SEC24B: variants seen among roughly 807,000 people sequenced by gnomAD.
The protein encoded by SEC24B is SEC24 homolog B, COPII component, also known as protein transport protein Sec24B.
A neutral mutation model predicts 142.8 loss-of-function variants in SEC24B; 45 were observed. The observed-to-expected ratio is 0.32, with a 90% CI of 0.25 to 0.40. SEC24B has a LOEUF of 0.40. Among genes scored for constraint, SEC24B ranks in the 10% least tolerant of loss-of-function variants. SEC24B has a pLI of 1.00. For synonymous variants in SEC24B, 574 were observed against 568.2 expected, an observed-to-expected ratio of 1.01 and a Z score of -0.15; for missense variants, 1,409 against 1,526.8, an observed-to-expected ratio of 0.92 and a Z score of 1.29.
At chr4:109,501,137 G>C (rs1173217839) in intron 6 of SEC24B, among the ~76,000 whole-genome samples, 1 of 152,122 alleles carries the variant, frequency 6.6e-6, no homozygotes, top group African/African-American at 2.4e-5. Flanking sequence ...GTACCATTTT[G>C]TATCTTTTAT....
chr4:109,454,907 A>G (rs1240337747), intron 1 of SEC24B, among the ~76,000 whole-genome samples: 7 of 152,256 alleles, frequency 4.6e-5, no homozygotes, highest in Admixed American at 4.6e-4. Context: ...GCTCAGGCCA[A>G]GAAGAATCTA....
intron 4 of SEC24B, among the ~76,000 whole-genome samples, chr4:109,489,122 ATTATC>A (rs917161449): frequency 6.6e-6 from 1 of 152,086 alleles, no homozygotes; most frequent in African/African-American, 2.4e-5. Flanking sequence ...TGAAGTCCAA[ATTATC>A]TTTTTTCTTT....
At chr4:109,509,832 A>AT (rs1207480725) in intron 7 of SEC24B, among the ~76,000 whole-genome samples, 177 bp from the exon 8 acceptor site, 3 of 151,944 alleles carry the variant, frequency 2.0e-5, no homozygotes, top group Admixed American at 1.3e-4. Flanking sequence ...TTTAATTTAG[A>AT]TTTTTTGACA....
At chr4:109,437,029 G>T (rs1348574739) in intron 1 of SEC24B, among the ~76,000 whole-genome samples, 1 of 152,152 alleles carries the variant, frequency 6.6e-6, no homozygotes, top group African/African-American at 2.4e-5. Flanking sequence ...TTTGTAACTG[G>T]TTCCTCAGAA....
chr4:109,475,083 A>G (rs537336484), intron 3 of SEC24B, among the ~76,000 whole-genome samples: 2 of 152,352 alleles, frequency 1.3e-5, no homozygotes, highest in South Asian at 4.1e-4. Context: ...TTCTTTCTAT[A>G]AAATAAAGCT....
chr4:109,453,928 G>A (rs1014969910), intron 1 of SEC24B, among the ~76,000 whole-genome samples: 1 of 152,152 alleles, frequency 6.6e-6, no homozygotes, highest in South Asian at 2.1e-4. Context: ...CGTGATCTCA[G>A]CTCACTGCAA....
Position 109,467,363 on chromosome 4 carries a change from G to A in SEC24B, c.877+3719G>A, listed in dbSNP as rs1011582741. ...AAAAAAAAAAGTCCGCTCCAAGTAT[G>A]TATGTTTTGAGTGTTACATTAGTTG... On this transcript the variant is annotated intron_variant, in intron 2 of 23. Transcript: ENST00000265175. Among the ~76,000 whole-genome samples the A allele has an allele frequency of 4.7e-5, 7 of 150,358 alleles. No homozygotes were observed. In the East Asian group the frequency reaches 1.4e-3, roughly 29 times the overall value.
At chr4:109,537,133 A>G (rs1433147623) in intron 22 of SEC24B, among the ~76,000 whole-genome samples, 1 of 152,198 alleles carries the variant, frequency 6.6e-6, no homozygotes. Context: ...AGAAGAATAA[A>G]GTAGAGGTCA....
At chr4:109,438,813 T>A (rs1349048671) in intron 1 of SEC24B, among the ~76,000 whole-genome samples, 1 of 152,238 alleles carries the variant, frequency 6.6e-6, no homozygotes, top group Non-Finnish European at 1.5e-5. Flanking sequence ...TCCTTGGTGT[T>A]GTATTTCTAT....
intron 4 of SEC24B, among the ~76,000 whole-genome samples, chr4:109,486,331 A>G (rs1334511084): frequency 2.6e-5 from 4 of 152,030 alleles, no homozygotes; most frequent in East Asian, 1.9e-4. Context: ...TTATCTGGCT[A>G]ATTTCAAGTT....
intron 10 of SEC24B, among the ~76,000 whole-genome samples, chr4:109,516,258 C>T (rs1311100950): frequency 6.6e-6 from 1 of 152,106 alleles, no homozygotes; most frequent in African/African-American, 2.4e-5. Flanking sequence ...AAAATGAACT[C>T]TTAGCCAACA....
chr4:109,440,530 A>G (rs1354638477), intron 1 of SEC24B, among the ~76,000 whole-genome samples: 1 of 152,206 alleles, frequency 6.6e-6, no homozygotes, highest in Non-Finnish European at 1.5e-5. Context: ...TGGACTAGTG[A>G]AAAGGTTGTA....
At chr4:109,501,435 T>C (rs1376690176) in intron 6 of SEC24B, among the ~76,000 whole-genome samples, 3 of 152,234 alleles carry the variant, frequency 2.0e-5, no homozygotes, top group African/African-American at 7.2e-5. Context: ...CTTAACTATT[T>C]CCTTAAGTGG....
At chr4:109,459,855 A>T (rs1173051355) in intron 1 of SEC24B, among the ~76,000 whole-genome samples, 1 of 152,228 alleles carries the variant, frequency 6.6e-6, no homozygotes, top group Non-Finnish European at 1.5e-5. Flanking sequence ...CTCTTCATTG[A>T]TAAATTCTAC....
chr4:109,540,568 T>C lies in SEC24B; in HGVS notation c.*893T>C. On this transcript the variant is annotated 3_prime_UTR_variant, in exon 24 of 24. Transcript: ENST00000265175. Reference sequence around the variant, plus strand: ...TTTACTAATTGGGGAAGTGCAGTGATACTGCATTTCAGTTAGTAATATATA... The same window carrying C: ...TTTACTAATTGGGGAAGTGCAGTGACACTGCATTTCAGTTAGTAATATATA... The C allele has an allele frequency of 6.6e-6, 1 of 152,192 alleles. No homozygotes were observed. Among genetic ancestry groups the C allele is most frequent in the East Asian group, 1.9e-4 (1 of 5,192 alleles). The allele number at this position is 152,192 out of a possible 1,614,324, so 9.4% of individuals were successfully genotyped here. A position where few individuals can be genotyped will look rare whatever the true frequency, so the allele number is the denominator to read the frequency against.
At position 109,510,007 on chromosome 4, in the gene SEC24B, A is replaced by G; in HGVS notation, c.1674-2A>G. The G allele has an allele frequency of 6.3e-7, 1 of 1,581,848 alleles. No individual in the cohort carries two copies. Among genetic ancestry groups the G allele is most frequent in the Non-Finnish European group, 8.6e-7 (1 of 1,162,138 alleles). On this transcript the variant is annotated splice_acceptor_variant, in intron 7 of 23. Coordinates refer to ENST00000265175, the MANE Select transcript of SEC24B (RefSeq NM_006323.5). LOFTEE classifies it high-confidence loss of function. ...CCTCCATGTTGTTTATGTTTTTTGC[A>G]GTTCATTTCGGTGTACTTTGACAAA...
At chr4:109,436,078 G>A (rs76002640) in intron 1 of SEC24B, among the ~76,000 whole-genome samples, 2,247 of 152,260 alleles carry the variant, frequency 0.015, 38 homozygotes, top group African/African-American at 0.038. Context: ...GGCCTTAAAT[G>A]TTATGCTAGG....
chr4:109,521,129 C>A lies in SEC24B; in HGVS notation c.2258C>A (p.Pro753His). The change falls in exon 13 of 24, where the codon CCT becomes CAT. Residue 753 changes from proline to histidine, a missense_variant. Coordinates refer to ENST00000265175, the MANE Select transcript of SEC24B (RefSeq NM_006323.5). ...GTTTTCCCTATAGATGTTTTTCTAC[C>A]TACACCGGATAGTTTACTTGTGAAT... ...IVSDIDDVFLPTPDSLLVNLY... is the reference protein window; with the variant it reads ...IVSDIDDVFLHTPDSLLVNLY... 6.6e-7 allele frequency: 1 copy of A among 1,511,188 alleles called. No homozygotes were observed. The highest frequency in any genetic ancestry group is 9.2e-7 in the Non-Finnish European group (1 of 1,091,426). The allele number at this position is 1,511,188 out of a possible 1,614,324, so 93.6% of individuals were successfully genotyped here.
intron 6 of SEC24B, among the ~76,000 whole-genome samples, chr4:109,498,128 G>A (rs1735720864): frequency 6.6e-6 from 1 of 152,134 alleles, no homozygotes; most frequent in African/African-American, 2.4e-5. Context: ...GATTTGTACA[G>A]TAAAAAATCA....
Sources: allele counts gnomAD v4.1 joint callset (sites outside exome capture counted in the v4.1 genomes callset), GRCh38; gene constraint gnomAD v4.1.1; transcripts MANE v1.5; gene names NCBI Gene and HGNC (gene_info 2026-07-23, HGNC 2026-07-21).